STPG2: variants seen among roughly 807,000 people sequenced by gnomAD.
The protein encoded by STPG2 is sperm-tail PG-rich repeat-containing protein 2.
Under a neutral mutation model 54.2 loss-of-function variants are expected in STPG2, and 56 were observed. That is an observed-to-expected ratio of 1.03 (90% CI 0.83 to 1.29). The LOEUF is 1.29. Ranked by LOEUF, STPG2 falls within the 50% of genes most tolerant of loss-of-function variation. The probability of loss-of-function intolerance (pLI) is 0.00; values close to 1 mark genes in which losing one functional copy is unlikely to be tolerated. For synonymous variants in STPG2, 200 were observed against 181.8 expected, an observed-to-expected ratio of 1.10 and a Z score of -0.81; for missense variants, 596 against 544.9, an observed-to-expected ratio of 1.09 and a Z score of -0.93.
intron 9 of STPG2, among the ~76,000 whole-genome samples, chr4:97,836,668 TTGTTTGTCCCCA>T (rs1348114742): frequency 6.6e-6 from 1 of 151,702 alleles, no homozygotes; most frequent in Non-Finnish European, 1.5e-5. Context: ...CTTTTACCTC[TTGTTTGTCCCCA>T]TGGAATTTAA....
intron 4 of STPG2, among the ~76,000 whole-genome samples, chr4:97,476,134 G>A (rs566410880): frequency 6.6e-4 from 101 of 152,076 alleles, no homozygotes; most frequent in African/African-American, 2.2e-3. Flanking sequence ...TTTTTAATGT[G>A]GTAAATATTT....
At chr4:98,005,730 T>C (rs941575204) in intron 5 of STPG2, among the ~76,000 whole-genome samples, 3 of 152,188 alleles carry the variant, frequency 2.0e-5, no homozygotes, top group African/African-American at 7.2e-5. Flanking sequence ...CACTTGTTCA[T>C]TGTGAATAAT....
chr4:97,929,123 T>A lies in STPG2; in HGVS notation c.1044+14774A>T, dbSNP rs1342399460. Among the ~76,000 whole-genome samples, 3 of 152,224 alleles carry A rather than the reference T, an allele frequency of 2.0e-5. No homozygotes were observed. The South Asian group carries it at 6.2e-4, about 31-fold the overall frequency. ...CATTTAGCTCCCACTTGTGAGAACA[T>A]GTAGTAGTTGGTTTTCTGTTCCTGC... On this transcript the variant is annotated intron_variant, in intron 8 of 10. Coordinates refer to ENST00000295268, the MANE Select transcript of STPG2 (RefSeq NM_174952.3).
intron 5 of STPG2, among the ~76,000 whole-genome samples, chr4:98,002,601 T>G (rs146051838): frequency 6.6e-6 from 1 of 151,998 alleles, no homozygotes; most frequent in Non-Finnish European, 1.5e-5. Flanking sequence ...ATAAGAACTT[T>G]CTCTGACTCT....
At chr4:97,878,012 G>A (rs1402501003) in intron 8 of STPG2, among the ~76,000 whole-genome samples, 2 of 152,178 alleles carry the variant, frequency 1.3e-5, no homozygotes, top group Non-Finnish European at 2.9e-5. Context: ...AGAGGCTGCA[G>A]GCCCCATGCA....
intron 10 of STPG2, among the ~76,000 whole-genome samples, chr4:97,628,889 T>C (rs895434882): frequency 2.0e-5 from 3 of 152,080 alleles, no homozygotes; most frequent in African/African-American, 7.2e-5. Flanking sequence ...GTGGAATCTA[T>C]ACACAACCTG....
intron 8 of STPG2, among the ~76,000 whole-genome samples, chr4:97,846,695 T>G (rs1381113632): frequency 2.1e-5 from 3 of 144,140 alleles, no homozygotes; most frequent in African/African-American, 7.7e-5. Flanking sequence ...CAGAGTGAAA[T>G]CTCAGTCTTT....
chr4:98,100,420 A>C (rs1738991483), intron 5 of STPG2, among the ~76,000 whole-genome samples: 1 of 152,150 alleles, frequency 6.6e-6, no homozygotes. Context: ...TTAAGCATTA[A>C]GGGTCAAAAC....
intron 5 of STPG2, among the ~76,000 whole-genome samples, chr4:98,046,050 CTTTT>C (rs546145548): frequency 7.3e-6 from 1 of 136,498 alleles, no homozygotes. Context: ...TTTTTTCATT[CTTTT>C]TTTTTTTTTT....
chr4:97,604,156 C>G (rs866625493), intron 10 of STPG2, among the ~76,000 whole-genome samples: 1 of 151,406 alleles, frequency 6.6e-6, no homozygotes, highest in Non-Finnish European at 1.5e-5. Flanking sequence ...TCTAGGGCAG[C>G]CCTGTATTTG....
At chr4:97,514,728 A>AT (rs985213004) in intron 4 of STPG2, among the ~76,000 whole-genome samples, 5 of 151,060 alleles carry the variant, frequency 3.3e-5, no homozygotes, top group African/African-American at 7.3e-5. Context: ...AGTTGGCTCA[A>AT]TTTTTTTTTC....
intron 9 of STPG2, among the ~76,000 whole-genome samples, chr4:97,767,967 G>A (rs557741275): frequency 7.2e-5 from 11 of 152,020 alleles, no homozygotes; most frequent in Admixed American, 3.3e-4. Context: ...GGAGATTGAG[G>A]TCATCCTGGC....
chr4:97,895,446 C>T (rs1194338865), intron 8 of STPG2, among the ~76,000 whole-genome samples: 1 of 151,750 alleles, frequency 6.6e-6, no homozygotes, highest in Non-Finnish European at 1.5e-5. Context: ...CATTAATTAG[C>T]CAATACAAAA....
intron 4 of STPG2, among the ~76,000 whole-genome samples, chr4:97,498,178 T>G (rs924263370): frequency 1.3e-5 from 2 of 151,954 alleles, no homozygotes; most frequent in Non-Finnish European, 2.9e-5. Context: ...CCACTGTGGG[T>G]CAGGTAGGCT....
chr4:97,508,023 G>T (rs531887111), intron 4 of STPG2, among the ~76,000 whole-genome samples: 1 of 151,990 alleles, frequency 6.6e-6, no homozygotes, highest in Non-Finnish European at 1.5e-5. Context: ...TTCTAACCAT[G>T]TGGTTAGTCT....
intron 9 of STPG2, among the ~76,000 whole-genome samples, chr4:97,726,431 T>C (rs1437919138): frequency 6.6e-6 from 1 of 151,916 alleles, no homozygotes; most frequent in Non-Finnish European, 1.5e-5. Context: ...ATTAAGATGG[T>C]AAATTTTCTC....
chr4:97,456,068 G>T (rs753475507), intron 4 of STPG2, among the ~76,000 whole-genome samples: 1 of 152,172 alleles, frequency 6.6e-6, no homozygotes, highest in Non-Finnish European at 1.5e-5. Flanking sequence ...CTTTTGTTCT[G>T]CAAAAGACAC....
At chr4:97,756,803 C>T (rs897367441) in intron 9 of STPG2, among the ~76,000 whole-genome samples, 1 of 152,004 alleles carries the variant, frequency 6.6e-6, no homozygotes, top group Non-Finnish European at 1.5e-5. Flanking sequence ...TGATTGCAGG[C>T]CACTGATTTC....
chr4:97,729,063 TTCTCTCTCTCTCTC>T (rs57186071), intron 9 of STPG2, among the ~76,000 whole-genome samples: 2 of 124,842 alleles, frequency 1.6e-5, no homozygotes, highest in Admixed American at 9.1e-5. Context: ...CCCCAAGAAT[TTCTCTCTCTCTCTC>T]TCTCTCTCTC....
Sources: allele counts gnomAD v4.1 joint callset (sites outside exome capture counted in the v4.1 genomes callset), GRCh38; gene constraint gnomAD v4.1.1; transcripts MANE v1.5; gene names NCBI Gene and HGNC (gene_info 2026-07-23, HGNC 2026-07-21).